TCF20: variants seen among roughly 807,000 people sequenced by gnomAD.
TCF20 encodes the protein transcription factor 20.
In TCF20, 3 loss-of-function variants were observed where a neutral mutation model predicts 148.6. That is an observed-to-expected ratio of 0.02 (90% CI 0.01 to 0.05). TCF20 has a LOEUF of 0.05. Ranked by LOEUF, TCF20 falls within the 10% of genes least tolerant of loss-of-function variation. TCF20 has a pLI of 1.00. For missense variants in TCF20, 2,350 were observed against 2,429.3 expected (o/e 0.97, Z 0.69); for synonymous variants, 1,049 against 909.5 (o/e 1.15, Z -2.76).
chr22:42,176,815 A>G (rs1257673754), intron 3 of TCF20, among the ~76,000 whole-genome samples: 3 of 152,248 alleles, frequency 2.0e-5, no homozygotes, highest in Non-Finnish European at 2.9e-5. Context: ...AGTATTAAAA[A>G]GTAGAACAGA....
chr22:42,255,878 C>T (rs1601669647), intron 1 of TCF20, among the ~76,000 whole-genome samples: 1 of 152,170 alleles, frequency 6.6e-6, no homozygotes, highest in African/African-American at 2.4e-5. Context: ...AGGTTCAAAG[C>T]TATTCCCACC....
chr22:42,166,723 G>A (rs1935811306), intron 5 of TCF20, among the ~76,000 whole-genome samples: 1 of 152,062 alleles, frequency 6.6e-6, no homozygotes, highest in Non-Finnish European at 1.5e-5. Context: ...CCAGGCCCAG[G>A]GCCTGAACTT....
intron 1 of TCF20, among the ~76,000 whole-genome samples, chr22:42,328,145 C>T (rs1927906913): frequency 6.6e-6 from 1 of 152,132 alleles, no homozygotes; most frequent in African/African-American, 2.4e-5. Flanking sequence ...CCTTCTCCAC[C>T]CACCCTCCCA....
rs146250424 is a variant in TCF20 at position 42,168,896 on chromosome 22, G to C, written c.5800-160C>G. 4.9e-4 allele frequency among the ~76,000 whole-genome samples: 74 copies of C among 152,062 alleles called. 1 individual carries two copies. In the East Asian group the frequency reaches 0.014, roughly 29 times the overall value. Reference sequence around the variant, plus strand: ...GAGACATTCAGACAGGGTTTTCTGAGGCAAAATGTGACCCTTAAAAAGGGG... The same window carrying C: ...GAGACATTCAGACAGGGTTTTCTGACGCAAAATGTGACCCTTAAAAAGGGG... On this transcript the variant is annotated intron_variant, in intron 4 of 5. Coordinates refer to ENST00000677622, the MANE Select transcript of TCF20 (RefSeq NM_001378418.1).
At chr22:42,302,541 G>T (rs144970508) in intron 1 of TCF20, among the ~76,000 whole-genome samples, 1 of 152,192 alleles carries the variant, frequency 6.6e-6, no homozygotes, top group East Asian at 1.9e-4. Flanking sequence ...AGGAGGCTTT[G>T]CCAAGGTCAC....
rs886229354 is a variant in TCF20 at position 42,317,689 on chromosome 22, G to C, written c.-37+25790C>G. Among the ~76,000 whole-genome samples, 1 of 152,086 alleles carries C rather than the reference G, an allele frequency of 6.6e-6. No individual in the cohort carries two copies. The highest frequency in any genetic ancestry group is 2.4e-5 in the African/African-American group (1 of 41,390). ...TGTAGACTCAGCCGCAGGACAGCGGGAGGGTGGGGGTTCTGTGGGCCTTTC... is the reference window on the plus strand; with the variant it reads ...TGTAGACTCAGCCGCAGGACAGCGGCAGGGTGGGGGTTCTGTGGGCCTTTC... On this transcript the variant is annotated intron_variant, in intron 1 of 1. Coordinates refer to the TCF20 transcript ENST00000515426. The surrounding 1 kb of genome is among the most constrained non-coding windows in gnomAD (Gnocchi z 4.2).
At chr22:42,178,823 C>G (rs987864031) in intron 3 of TCF20, among the ~76,000 whole-genome samples, 2 of 151,392 alleles carry the variant, frequency 1.3e-5, no homozygotes, top group African/African-American at 2.4e-5. Context: ...CATGATCCAC[C>G]CGCCCGGCCT....
At chr22:42,194,988 C>T (rs1441461032) in intron 2 of TCF20, among the ~76,000 whole-genome samples, 2 of 151,600 alleles carry the variant, frequency 1.3e-5, no homozygotes, top group Non-Finnish European at 2.9e-5. Context: ...CTGCTTTTAC[C>T]TGCTAAAAAC....
intron 1 of TCF20, among the ~76,000 whole-genome samples, chr22:42,226,045 T>A (rs575625745): frequency 6.6e-6 from 1 of 152,352 alleles, no homozygotes; most frequent in African/African-American, 2.4e-5. Context: ...AATCTGCTCC[T>A]GAGCAGACCA....
rs527309807 is a variant in TCF20 at position 42,299,495 on chromosome 22, T to C, written c.-37+43984A>G. 1.3e-5 allele frequency among the ~76,000 whole-genome samples: 2 copies of C among 152,192 alleles called. No individual in the cohort carries two copies. Among genetic ancestry groups the C allele is most frequent in the African/African-American group, 4.8e-5 (2 of 41,454 alleles). The stretch of plus-strand genomic sequence containing the variant: ...AGGACAAAGGGGCCTCAAGGCCTCA[T>C]GAACAGAACATGCTGGCAGTGGTGG... On this transcript the variant is annotated intron_variant, in intron 1 of 1. Transcript: ENST00000515426. The surrounding 1 kb of genome is among the most constrained non-coding windows in gnomAD (Gnocchi z 4.1).
intron 1 of TCF20, among the ~76,000 whole-genome samples, chr22:42,220,883 C>G (rs923921989): frequency 1.2e-4 from 19 of 152,340 alleles, no homozygotes; most frequent in African/African-American, 4.6e-4. Context: ...ACTTCATCCT[C>G]TGCCCTTCAG....
rs146661580 is a variant in TCF20 at position 42,212,341 on chromosome 22, G to A, written c.2965C>T (p.Arg989Trp). 7.4e-6 allele frequency: 12 copies of A among 1,614,080 alleles called. No individual in the cohort carries two copies. Among genetic ancestry groups the A allele is most frequent in the Admixed American group, 1.7e-5 (1 of 60,002 alleles). The change falls in exon 2 of 6, where the codon CGG (arginine) becomes TGG (tryptophan). Residue 989 changes from arginine (R) to tryptophan (W), a missense_variant. By Grantham distance (101) the Arg-to-Trp change is moderately radical. This residue lies in a region of TCF20 where 1,641 missense variants were observed against 1,662.6 expected (regional missense o/e 0.99). Transcript: ENST00000677622. ...GPQDSRPTPM[R>W]RVPGRVGGRE... is the part of the protein sequence containing the mutation. ...CCACCAACTCTGCCAGGGACCCGCC[G>A]CATTGGCGTGGGTCTGCTGTCTTGC...
intron 1 of TCF20, among the ~76,000 whole-genome samples, chr22:42,229,731 C>A (rs367977605): frequency 3.9e-5 from 6 of 152,326 alleles, no homozygotes; most frequent in African/African-American, 1.4e-4. Flanking sequence ...AAATCTGAGT[C>A]ATTCCTCAAG....
intron 1 of TCF20, among the ~76,000 whole-genome samples, chr22:42,262,848 C>T (rs1327213524): frequency 1.3e-5 from 2 of 152,088 alleles, no homozygotes; most frequent in Non-Finnish European, 1.5e-5. Flanking sequence ...CTTTTGATAA[C>T]CCTATTTAAT....
At chr22:42,197,078 T>TCTTCAGTTTAATTTCCA (rs1029586115) in intron 2 of TCF20, among the ~76,000 whole-genome samples, 5 of 152,210 alleles carry the variant, frequency 3.3e-5, no homozygotes, top group African/African-American at 1.2e-4. Context: ...CTGAATTTTC[T>TCTTCAGTTTAATTTCCA]CTTCAGTTTA....
At chr22:42,161,439 TGGGA>T in intron 5 of TCF20, 81 bp from the exon 6 acceptor site, 2 of 1,601,372 alleles carry the variant, frequency 1.2e-6, no homozygotes, top group Non-Finnish European at 1.7e-6. Context: ...GTGGTACCCC[TGGGA>T]GCTTTCAGCA....
At chr22:42,255,791 C>A (rs1925708425) in intron 1 of TCF20, among the ~76,000 whole-genome samples, 1 of 151,274 alleles carries the variant, frequency 6.6e-6, no homozygotes, top group African/African-American at 2.5e-5. Context: ...TCAGTCAGAA[C>A]AACGCCCCCA....
intron 2 of TCF20, among the ~76,000 whole-genome samples, chr22:42,184,740 T>G (rs901602246): frequency 6.6e-6 from 1 of 152,212 alleles, no homozygotes; most frequent in African/African-American, 2.4e-5. Flanking sequence ...GGCCCAAACT[T>G]CAAAATCTTT....
rs545640407 is a variant in TCF20, at chr22:42,304,027, C to T, written c.-37+39452G>A. 3.9e-5 allele frequency among the ~76,000 whole-genome samples: 6 copies of T among 152,130 alleles called. No homozygotes were observed. The South Asian group carries it at 1.0e-3, about 26-fold the overall frequency. ...GCTGTGCCCGGGAAGGTCTGCCCCA[C>T]CCCCCTGCCGCAAGAACATCAAAGC... On this transcript the variant is annotated intron_variant, in intron 1 of 1. Transcript: ENST00000515426.
Sources: allele counts gnomAD v4.1 joint callset (sites outside exome capture counted in the v4.1 genomes callset), GRCh38; gene constraint gnomAD v4.1.1; regional missense constraint gnomAD v4.1.1; non-coding constraint Gnocchi (gnomAD v3.1); transcripts MANE v1.5; gene names NCBI Gene and HGNC (gene_info 2026-07-23, HGNC 2026-07-21).